Variants in SEMA6D observed in about 807,000 individuals in gnomAD.
SEMA6D encodes semaphorin-6D.
SEMA6D carries 35 observed loss-of-function variants against 106.6 expected under a neutral mutation model. The observed-to-expected ratio is 0.33, with a 90% confidence interval of 0.25 to 0.44. The LOEUF (loss-of-function observed/expected upper bound fraction) is 0.44, where lower values mean the gene tolerates loss of function less well. Among genes scored for constraint, SEMA6D ranks in the 20% least tolerant of loss-of-function variants. SEMA6D has a pLI of 1.00. For synonymous variants in SEMA6D, 499 were observed against 487.7 expected, an observed-to-expected ratio of 1.02 and a Z score of -0.31; for missense variants, 1,185 against 1,345.9, an observed-to-expected ratio of 0.88 and a Z score of 1.87.
intron 1 of SEMA6D, among the ~76,000 whole-genome samples, chr15:47,281,202 C>G (rs2035091754): frequency 8.5e-6 from 1 of 118,290 alleles, no homozygotes; most frequent in Non-Finnish European, 1.8e-5. Context: ...CTTTATGAAT[C>G]TTGGTGCTCC....
intron 1 of SEMA6D, among the ~76,000 whole-genome samples, chr15:47,750,357 G>A (rs1322273470): frequency 6.6e-6 from 1 of 152,194 alleles, no homozygotes; most frequent in Non-Finnish European, 1.5e-5. Flanking sequence ...GGTTTCTACA[G>A]TTTTAATTTA....
At position 47,208,925 on chromosome 15, in the gene SEMA6D, A is replaced by G. The variant is rs76983614; in HGVS notation, c.-239+24507A>G. On this transcript the variant is annotated intron_variant, in intron 1 of 19. Coordinates refer to the SEMA6D transcript ENST00000558014. ...TTTCTTTCACTCTGCTGTTTGTCCA[A>G]ATGTGAGTAACAATAAAGGAAGAAT... is the stretch of plus-strand genomic sequence containing the variant. 7.7e-3 allele frequency among the ~76,000 whole-genome samples: 1,169 copies of G among 152,156 alleles called. 36 individuals carry two copies. The highest frequency in any genetic ancestry group is 0.073 in the East Asian group (375 of 5,156).
chr15:47,409,838 A>G (rs1323278573), intron 1 of SEMA6D, among the ~76,000 whole-genome samples: 1 of 145,496 alleles, frequency 6.9e-6, no homozygotes, highest in East Asian at 2.2e-4. Flanking sequence ...TGGGGAAGGG[A>G]TGGGAGGAGC....
chr15:47,288,967 G>C (rs567879583), intron 1 of SEMA6D, among the ~76,000 whole-genome samples: 11 of 152,280 alleles, frequency 7.2e-5, no homozygotes, highest in Middle Eastern at 3.4e-3. Flanking sequence ...CCAGCTGTTT[G>C]AGGTTGCTGG....
intron 3 of SEMA6D, among the ~76,000 whole-genome samples, chr15:47,474,174 T>C (rs576009503): frequency 2.6e-5 from 4 of 152,148 alleles, no homozygotes; most frequent in Non-Finnish European, 5.9e-5. Context: ...GTCGCCTTGC[T>C]TTTGGACTCA....
At chr15:47,532,345 T>G (rs1455656264) in intron 3 of SEMA6D, among the ~76,000 whole-genome samples, 1 of 152,226 alleles carries the variant, frequency 6.6e-6, no homozygotes, top group Non-Finnish European at 1.5e-5. Flanking sequence ...TCTAATTGCA[T>G]GAAGTGCATC....
At chr15:47,504,317 A>C in intron 3 of SEMA6D, among the ~76,000 whole-genome samples, 1 of 151,182 alleles carries the variant, frequency 6.6e-6, no homozygotes, top group Non-Finnish European at 1.5e-5. Flanking sequence ...TGTCCTCACC[A>C]CCCCCACCTT....
At chr15:47,468,791 C>T (rs1484645683) in intron 2 of SEMA6D, among the ~76,000 whole-genome samples, 3 of 152,132 alleles carry the variant, frequency 2.0e-5, no homozygotes, top group African/African-American at 7.2e-5. Flanking sequence ...AAATTGCCCA[C>T]AACTGTTAGA....
chr15:47,435,202 C>A (rs1541730), intron 2 of SEMA6D, among the ~76,000 whole-genome samples: 38,477 of 151,974 alleles, frequency 0.25, 5,649 homozygotes, highest in Middle Eastern at 0.45. Flanking sequence ...CTTGAAAACA[C>A]CATTTTTTTG....
chr15:47,766,855 T>G (rs1356183287), intron 16 of SEMA6D, among the ~76,000 whole-genome samples, 178 bp downstream of exon 16: 1 of 151,980 alleles, frequency 6.6e-6, no homozygotes, highest in Admixed American at 6.6e-5. Flanking sequence ...GAGGCTTACT[T>G]TTTTTTTCCT....
chr15:47,408,358 A>G (rs979984276), intron 1 of SEMA6D, among the ~76,000 whole-genome samples: 1 of 152,244 alleles, frequency 6.6e-6, no homozygotes. Context: ...TAAATATCTT[A>G]TGAAAACATA....
intron 2 of SEMA6D, among the ~76,000 whole-genome samples, chr15:47,459,726 C>T (rs1181864973): frequency 6.6e-6 from 1 of 152,058 alleles, no homozygotes; most frequent in African/African-American, 2.4e-5. Flanking sequence ...TCCCCTGCAG[C>T]TTTGCACTTA....
At chr15:47,289,313 G>C (rs1011162440) in intron 1 of SEMA6D, among the ~76,000 whole-genome samples, 2 of 141,306 alleles carry the variant, frequency 1.4e-5, no homozygotes, top group East Asian at 4.6e-4. Context: ...AGAATCGCTC[G>C]AACCTAGGAG....
rs532944052 is a variant in SEMA6D, at chr15:47,774,144, A to G, written c.*2359A>G. 6.5e-6 allele frequency: 1 copy of G among 152,750 alleles called. No individual in the cohort carries two copies. The highest frequency in any genetic ancestry group is 1.5e-5 in the Non-Finnish European group (1 of 68,024). 9.5% of individuals were successfully genotyped at this position (152,750 alleles called of 1,614,324 possible). A position where few individuals can be genotyped will look rare whatever the true frequency, so the allele number is the denominator to read the frequency against. The stretch of plus-strand genomic sequence containing the variant: ...ATGAATAGATACCTTGTAAACTTGT[A>G]TTGTGGATGTGTAAATAATATGTAC... On this transcript the variant is annotated 3_prime_UTR_variant, in exon 19 of 19. Coordinates refer to ENST00000536845, the MANE Select transcript of SEMA6D (RefSeq NM_001358351.3).
At chr15:47,323,373 A>G (rs140159264) in intron 1 of SEMA6D, among the ~76,000 whole-genome samples, 1,683 of 152,282 alleles carry the variant, frequency 0.011, 13 homozygotes, top group Non-Finnish European at 0.014. Flanking sequence ...GAATTTTATT[A>G]AGTGACAGAA....
At chr15:47,458,226 G>A (rs993492409) in intron 2 of SEMA6D, among the ~76,000 whole-genome samples, 1 of 151,876 alleles carries the variant, frequency 6.6e-6, no homozygotes, top group Admixed American at 6.6e-5. Flanking sequence ...AAATTATACT[G>A]ATGTATTGGA....
intron 1 of SEMA6D, among the ~76,000 whole-genome samples, chr15:47,199,011 A>G (rs192483909): frequency 9.2e-5 from 14 of 152,282 alleles, no homozygotes; most frequent in Non-Finnish European, 1.5e-4. Flanking sequence ...ATTGACAACT[A>G]CTTTACACTT....
At chr15:47,253,807 T>A (rs1038645455) in intron 1 of SEMA6D, among the ~76,000 whole-genome samples, 9 of 152,194 alleles carry the variant, frequency 5.9e-5, no homozygotes, top group Non-Finnish European at 1.3e-4. Context: ...GCTTTTTTCT[T>A]TTGTTCAAGA....
chr15:47,395,788 G>A (rs954104150), intron 1 of SEMA6D: 3 of 152,222 alleles, frequency 2.0e-5, no homozygotes, highest in African/African-American at 7.2e-5. Flanking sequence ...ACCTAGCATA[G>A]AGGGCAGGCA....
Sources: gnomAD v4.1 joint callset for allele counts (sites outside exome capture counted in the v4.1 genomes callset) on GRCh38, gnomAD v4.1.1 for gene constraint, MANE v1.5 for transcripts, NCBI Gene and HGNC (gene_info 2026-07-23, HGNC 2026-07-21) for gene names.